PPP4R4: variants seen among roughly 807,000 people sequenced by gnomAD.
PPP4R4 encodes protein phosphatase 4 regulatory subunit 4, also known as serine/threonine-protein phosphatase 4 regulatory subunit 4.
Under a neutral mutation model 121.8 loss-of-function variants are expected in PPP4R4, and 70 were observed. That is an observed-to-expected ratio of 0.57 (90% confidence interval 0.47 to 0.70). The LOEUF (loss-of-function observed/expected upper bound fraction) is 0.70. PPP4R4 is among the 30% of genes least tolerant of loss of function. PPP4R4 has a pLI of 0.00. For synonymous variants in PPP4R4, 348 were observed against 355.7 expected (o/e 0.98, Z 0.24); for missense variants, 875 against 1,033.6 (o/e 0.85, Z 2.10).
chr14:94,235,730 C>A (rs983023614), intron 7 of PPP4R4, among the ~76,000 whole-genome samples: 1 of 152,046 alleles, frequency 6.6e-6, no homozygotes, highest in African/African-American at 2.4e-5. Flanking sequence ...GTGCCTGAAG[C>A]TCCAGGAGAG....
At chr14:94,210,191 G>C (rs902620653) in intron 3 of PPP4R4, among the ~76,000 whole-genome samples, 6 of 149,094 alleles carry the variant, frequency 4.0e-5, no homozygotes, top group African/African-American at 1.5e-4. Flanking sequence ...TTGATTCTTT[G>C]TATAAATATG....
chr14:94,266,033 A>AT lies in PPP4R4; in HGVS notation c.2378+148dup. The AT allele has an allele frequency of 7.6e-6, 4 of 527,308 alleles. No individual in the cohort carries two copies. In the South Asian group the frequency reaches 1.7e-4, roughly 22 times the overall value. The allele number at this position is 527,308 out of a possible 1,614,324, so 32.7% of individuals were successfully genotyped here. On this transcript the variant is annotated intron_variant, in intron 22 of 24. Transcript: ENST00000304338. Reference sequence around the variant, plus strand: ...ATTTTGTGAGTGTTCTTCTGTAGGGATTGTTATATTTAAAAATAAGAGACC... The same window carrying AT: ...ATTTTGTGAGTGTTCTTCTGTAGGGATTTGTTATATTTAAAAATAAGAGACC...
chr14:94,185,902 AC>A (rs1411231135), intron 2 of PPP4R4, among the ~76,000 whole-genome samples: 3 of 152,178 alleles, frequency 2.0e-5, no homozygotes, highest in Non-Finnish European at 4.4e-5. Flanking sequence ...AAAATATAGA[AC>A]ATTTTCATCA....
chr14:94,188,747 C>G (rs1300872637), intron 2 of PPP4R4, among the ~76,000 whole-genome samples: 2 of 151,938 alleles, frequency 1.3e-5, no homozygotes, highest in African/African-American at 4.8e-5. Flanking sequence ...CACAAAAAGT[C>G]AGTATGTGAG....
chr14:94,184,349 T>C (rs1889145695), intron 2 of PPP4R4, among the ~76,000 whole-genome samples: 1 of 152,096 alleles, frequency 6.6e-6, no homozygotes, highest in African/African-American at 2.4e-5. Context: ...ACCTTGAACT[T>C]CTGGGCTCAA....
chr14:94,277,993 C>T (rs1288239206), intron 24 of PPP4R4, among the ~76,000 whole-genome samples: 2 of 152,122 alleles, frequency 1.3e-5, no homozygotes, highest in East Asian at 1.9e-4. Flanking sequence ...CTCTTGAGTG[C>T]ACACTGCCAC....
intron 2 of PPP4R4, among the ~76,000 whole-genome samples, chr14:94,179,268 C>G (rs1252738036): frequency 6.6e-6 from 1 of 152,176 alleles, no homozygotes; most frequent in Non-Finnish European, 1.5e-5. Flanking sequence ...ATTCTGCTTT[C>G]TGTATCTATG....
Position 94,237,616 on chromosome 14 carries a change from G to A in PPP4R4, c.783G>A (p.Arg261=). The change falls in exon 8 of 25, where the codon AGG becomes AGA. Residue 261 remains arginine, a synonymous_variant. Coordinates refer to ENST00000304338, the MANE Select transcript of PPP4R4 (RefSeq NM_058237.2). ...TCCCTGAATTAATAGAACTTTCTAG[G>A]GATGAAGGCAGCAGTGTACGACTTG... ...VVLPELIELS[R]DEGSSVRLAA... 2 of 1,612,590 alleles carry A rather than the reference G, an allele frequency of 1.2e-6. No homozygotes were observed. The highest frequency in any genetic ancestry group is 1.7e-6 in the Non-Finnish European group (2 of 1,178,592).
intron 3 of PPP4R4, among the ~76,000 whole-genome samples, chr14:94,218,195 C>G (rs1362300327): frequency 1.3e-5 from 2 of 152,110 alleles, no homozygotes; most frequent in East Asian, 1.9e-4. Flanking sequence ...AAAAAGAGAT[C>G]TAATATATAT....
intron 5 of PPP4R4, among the ~76,000 whole-genome samples, chr14:94,232,321 G>T (rs549510422): frequency 2.6e-4 from 40 of 152,170 alleles, no homozygotes; most frequent in Non-Finnish European, 5.0e-4. Flanking sequence ...ACTTCATTAA[G>T]TGTCTTTGTC....
In PPP4R4 at chr14:94,266,994, C is replaced by T; in HGVS notation, c.2414C>T (p.Ser805Leu). Residue 805 changes from serine (S) to leucine (L), a missense_variant, in exon 23 of 25, where the codon TCA becomes TTA. Transcript: ENST00000304338. ...ACAACAGGATATACAACTTCTGTCT[C>T]AGGGTTAGGAAAGACTTCTGTGCTT... ...SSTTGYTTSV[S>L]GLGKTSVLSL... The T allele has an allele frequency of 6.3e-7, 1 of 1,598,168 alleles. No homozygotes were observed. Among genetic ancestry groups the T allele is most frequent in the Non-Finnish European group, 8.6e-7 (1 of 1,167,450 alleles).
chr14:94,193,811 A>C (rs1889724277), intron 2 of PPP4R4, among the ~76,000 whole-genome samples: 1 of 152,212 alleles, frequency 6.6e-6, no homozygotes, highest in Non-Finnish European at 1.5e-5. Context: ...CCAGCCTTTG[A>C]CAAAAGGAAT....
chr14:94,194,230 C>T (rs1016735903), intron 2 of PPP4R4, among the ~76,000 whole-genome samples: 1 of 151,992 alleles, frequency 6.6e-6, no homozygotes, highest in African/African-American at 2.4e-5. Flanking sequence ...TCCTTTTTAG[C>T]CACTAGTGTA....
At chr14:94,270,903 G>C (rs185918681) in intron 23 of PPP4R4, among the ~76,000 whole-genome samples, 1 of 145,710 alleles carries the variant, frequency 6.9e-6, no homozygotes, top group African/African-American at 2.6e-5. Flanking sequence ...GGGAGACAGA[G>C]TGAGACTCCA....
intron 16 of PPP4R4, among the ~76,000 whole-genome samples, chr14:94,254,419 C>T (rs35536783): frequency 0.13 from 19,296 of 152,168 alleles, 1,364 homozygotes; most frequent in Admixed American, 0.21. Flanking sequence ...GGGATTGATA[C>T]TCCTTAATTA....
rs8007675 is a variant in PPP4R4 at position 94,248,099 on chromosome 14, A to G, written c.1611+1560A>G. On this transcript the variant is annotated intron_variant, in intron 14 of 24. Coordinates refer to ENST00000304338, the MANE Select transcript of PPP4R4 (RefSeq NM_058237.2). Reference sequence around the variant, plus strand: ...AAAAGAAAGAAATTGAAGGCATCCAAATAGGAAAAGAGGAAGTCAAATGAT... The same window carrying G: ...AAAAGAAAGAAATTGAAGGCATCCAGATAGGAAAAGAGGAAGTCAAATGAT... Among the ~76,000 whole-genome samples the G allele has an allele frequency of 3.0e-3, 463 of 152,310 alleles. 2 individuals carry two copies. The highest frequency in any genetic ancestry group is 0.011 in the African/African-American group (448 of 41,556).
intron 24 of PPP4R4, among the ~76,000 whole-genome samples, chr14:94,276,691 T>C (rs532358119): frequency 9.9e-5 from 15 of 152,152 alleles, no homozygotes; most frequent in Non-Finnish European, 1.5e-4. Context: ...ATCTCCAGCA[T>C]TGCAGATTAC....
rs1375840095 is a variant in PPP4R4 at position 94,231,242 on chromosome 14, G to C, written c.443G>C (p.Gly148Ala). The change falls in exon 5 of 25, where the codon GGT becomes GCT. Residue 148 changes from glycine (G) to alanine (A), a missense_variant and splice_region_variant. Transcript: ENST00000304338. The stretch of plus-strand genomic sequence containing the variant: ...AGTATGTTTTATCTCTGTCAACCAG[G>C]TGTCAGCAATGCATGGCTGGAAACT... ...ILLHLEHRDTGVSNAWLETLL... is the reference protein window; with the variant it reads ...ILLHLEHRDTAVSNAWLETLL... The C allele has an allele frequency of 1.2e-6, 2 of 1,609,416 alleles. No individual in the cohort carries two copies. Among genetic ancestry groups the C allele is most frequent in the South Asian group, 1.1e-5 (1 of 90,830 alleles).
chr14:94,208,865 GTATT>G (rs1159944762), intron 3 of PPP4R4, among the ~76,000 whole-genome samples: 1 of 151,420 alleles, frequency 6.6e-6, no homozygotes, highest in Non-Finnish European at 1.5e-5. Flanking sequence ...TTAAAAAAAA[GTATT>G]TAGTATTCTG....
Sources: gnomAD v4.1 joint callset for allele counts (sites outside exome capture counted in the v4.1 genomes callset) on GRCh38, gnomAD v4.1.1 for gene constraint, MANE v1.5 for transcripts, NCBI Gene and HGNC (gene_info 2026-07-23, HGNC 2026-07-21) for gene names.